CCDC7: variants seen among roughly 807,000 people sequenced by gnomAD.
CCDC7 encodes coiled-coil domain containing 7.
In CCDC7, 183 loss-of-function variants were observed where a neutral mutation model predicts 196.9. That is an observed-to-expected ratio of 0.93 (90% confidence interval 0.82 to 1.05). The LOEUF (loss-of-function observed/expected upper bound fraction) is 1.05, where lower values mean the gene tolerates loss of function less well. Among genes scored for constraint, CCDC7 ranks in the 50% least tolerant of loss-of-function variants. CCDC7 has a pLI of 0.00. For synonymous variants in CCDC7, 525 were observed against 484.6 expected (o/e 1.08, Z -1.10); for missense variants, 1,540 against 1,482.2 (o/e 1.04, Z -0.64).
chr10:32,553,535 T>G (rs757665562), intron 13 of CCDC7, among the ~76,000 whole-genome samples: 7 of 152,170 alleles, frequency 4.6e-5, no homozygotes, highest in Non-Finnish European at 1.0e-4. Context: ...TTCCTTCTCA[T>G]TTGGATAGGC....
intron 29 of CCDC7, among the ~76,000 whole-genome samples, chr10:32,789,964 T>C (rs1300957479): frequency 2.0e-5 from 3 of 152,148 alleles, no homozygotes; most frequent in Non-Finnish European, 4.4e-5. Flanking sequence ...AACTAGAGAA[T>C]ACATTTTTTT....
At chr10:32,649,751 C>A (rs2068401616) in intron 20 of CCDC7, among the ~76,000 whole-genome samples, 1 of 152,184 alleles carries the variant, frequency 6.6e-6, no homozygotes, top group Non-Finnish European at 1.5e-5. Context: ...TGAGTTGATT[C>A]ATAGAACCAG....
chr10:32,556,536 A>G (rs1196345158), intron 13 of CCDC7, among the ~76,000 whole-genome samples: 1 of 151,638 alleles, frequency 6.6e-6, no homozygotes, highest in East Asian at 1.9e-4. Flanking sequence ...TCCCGCTGAG[A>G]CTCGTATTTG....
chr10:32,708,231 C>T (rs1295697132), intron 24 of CCDC7, among the ~76,000 whole-genome samples: 1 of 152,174 alleles, frequency 6.6e-6, no homozygotes. Context: ...AAAGGATTCC[C>T]TATTTAATAA....
At chr10:32,472,707 T>C (rs188025447) in intron 7 of CCDC7, among the ~76,000 whole-genome samples, 165 bp downstream of exon 8, 105 of 152,170 alleles carry the variant, frequency 6.9e-4, no homozygotes, top group African/African-American at 2.4e-3. Context: ...TGATCCTCTC[T>C]GCTCAGCCTT....
At chr10:32,538,133 G>A (rs530628326) in intron 11 of CCDC7, among the ~76,000 whole-genome samples, 4 of 152,234 alleles carry the variant, frequency 2.6e-5, no homozygotes, top group African/African-American at 4.8e-5. Flanking sequence ...AGCATGGAAT[G>A]TTTTCCCATT....
chr10:32,707,883 A>G (rs893662750), intron 24 of CCDC7, among the ~76,000 whole-genome samples: 2 of 152,226 alleles, frequency 1.3e-5, no homozygotes, highest in Non-Finnish European at 2.9e-5. Context: ...TATCGTGAAA[A>G]TGGCCATACT....
intron 20 of CCDC7, among the ~76,000 whole-genome samples, chr10:32,639,673 G>T (rs2066352633): frequency 6.7e-6 from 1 of 150,164 alleles, no homozygotes. Flanking sequence ...TGTCGTCCAG[G>T]CTGGAGTGCA....
chr10:32,816,452 C>T (rs905112326), intron 31 of CCDC7, among the ~76,000 whole-genome samples: 42 of 152,204 alleles, frequency 2.8e-4, no homozygotes, highest in African/African-American at 9.6e-4. Flanking sequence ...CCTCTGCAGA[C>T]TTAAATGTCC....
chr10:32,665,824 C>G (rs11009023), intron 21 of CCDC7, among the ~76,000 whole-genome samples: 16,037 of 152,050 alleles, frequency 0.11, 1,041 homozygotes, highest in South Asian at 0.25. Flanking sequence ...TTCTTCCAAT[C>G]CAGGAACATG....
rs151156448 is a variant in CCDC7, at chr10:32,738,548, C to G, written c.2905+9091C>G. ...AGAGTGTCATGGTGTGATCACAGTT[C>G]ACTACAGCCTCGACCTCCTGGGCTC... is the stretch of plus-strand genomic sequence containing the variant. On this transcript the variant is annotated intron_variant, in intron 28 of 41. Coordinates refer to ENST00000639629, the Ensembl canonical transcript of CCDC7. Among the ~76,000 whole-genome samples the G allele has an allele frequency of 8.8e-3, 1,159 of 132,022 alleles. 7 individuals carry two copies. The highest frequency in any genetic ancestry group is 0.032 in the Middle Eastern group (6 of 186). The allele number at this position is 132,022 out of a possible 152,430, so 86.6% of individuals were successfully genotyped here. A position where few individuals can be genotyped will look rare whatever the true frequency, so the allele number is the denominator to read the frequency against.
At chr10:32,570,460 T>G (rs1004014962) in intron 15 of CCDC7, among the ~76,000 whole-genome samples, 3 of 152,206 alleles carry the variant, frequency 2.0e-5, no homozygotes, top group African/African-American at 7.2e-5. Context: ...TTATGACATA[T>G]AGACACAAAA....
rs1452800088 is a variant in CCDC7, at chr10:32,834,757, G to A, written c.3269-58G>A. ...ATATACTATCACATACACACAGCAC[G>A]GACATATGTTACAATTTACCTTTCA... On this transcript the variant is annotated intron_variant, in intron 32 of 41. Coordinates refer to ENST00000639629, the Ensembl canonical transcript of CCDC7. The A allele has an allele frequency of 8.4e-6, 6 of 715,914 alleles. No homozygotes were observed. In the East Asian group the frequency reaches 1.1e-4, roughly 13 times the overall value. The allele number at this position is 715,914 out of a possible 1,614,324, so 44.3% of individuals were successfully genotyped here.
chr10:32,447,835 A>G (rs1416811365), upstream of CCDC7, among the ~76,000 whole-genome samples: 3 of 152,118 alleles, frequency 2.0e-5, no homozygotes, highest in African/African-American at 7.2e-5. Flanking sequence ...CTGGGAGGCA[A>G]AGTTTGCAGT....
intron 24 of CCDC7, among the ~76,000 whole-genome samples, chr10:32,697,883 C>T (rs2141408988): frequency 1.3e-5 from 2 of 152,304 alleles, no homozygotes; most frequent in Middle Eastern, 3.4e-3. Flanking sequence ...AAAGTGGGTC[C>T]CTGACCCCCC....
At chr10:32,818,164 CA>C (rs1335009543) in intron 31 of CCDC7, among the ~76,000 whole-genome samples, 1 of 151,390 alleles carries the variant, frequency 6.6e-6, no homozygotes. Context: ...AAATGGAAAA[CA>C]AAAAAAGGCA....
At chr10:32,871,497 CTTT>C (rs542269419) in intron 41 of CCDC7, among the ~76,000 whole-genome samples, 1,771 of 145,668 alleles carry the variant, frequency 0.012, 34 homozygotes, top group Middle Eastern at 0.024. Context: ...CTTTTTTCTT[CTTT>C]ATTAGTCTTG....
At chr10:32,824,457 A>T in intron 31 of CCDC7, 61 bp from the exon 33 acceptor site, 3 of 1,054,074 alleles carry the variant, frequency 2.8e-6, no homozygotes, top group Non-Finnish European at 4.3e-6. Flanking sequence ...AGACACATGC[A>T]CACACACATG....
intron 5 of CCDC7, among the ~76,000 whole-genome samples, chr10:32,468,175 A>G (rs890872584): frequency 2.0e-5 from 3 of 152,140 alleles, no homozygotes; most frequent in African/African-American, 7.2e-5. Flanking sequence ...ATTGCTTTGG[A>G]AAGTATTGCC....
Sources: allele counts gnomAD v4.1 joint callset (sites outside exome capture counted in the v4.1 genomes callset), GRCh38; gene constraint gnomAD v4.1.1; transcripts MANE v1.5; gene names NCBI Gene and HGNC (gene_info 2026-07-23, HGNC 2026-07-21).